The following KANSL1L variants were observed in gnomAD, a reference collection of about 807,000 sequenced individuals.
KANSL1L encodes KAT8 regulatory NSL complex subunit 1 like, also known as KAT8 regulatory NSL complex subunit 1-like protein.
KANSL1L carries 25 observed loss-of-function variants against 108.6 expected under a neutral mutation model. The ratio of observed to expected loss-of-function variants is 0.23; its 90% CI spans 0.17 to 0.32. KANSL1L has a LOEUF of 0.32. Ranked by LOEUF, KANSL1L falls within the 10% of genes least tolerant of loss-of-function variation. The pLI is 1.00. For synonymous variants in KANSL1L, 405 were observed against 395.1 expected, an observed-to-expected ratio of 1.03 and a Z score of -0.30; for missense variants, 1,137 against 1,125.7, an observed-to-expected ratio of 1.01 and a Z score of -0.14.
chr2:210,136,080 C>A (rs1053226793), intron 2 of KANSL1L, among the ~76,000 whole-genome samples: 1 of 152,074 alleles, frequency 6.6e-6, no homozygotes, highest in Non-Finnish European at 1.5e-5. Context: ...TGTCCAAGGA[C>A]TATCTGAGGT....
chr2:210,060,707 A>G (rs1468532772), intron 6 of KANSL1L, among the ~76,000 whole-genome samples: 1 of 152,228 alleles, frequency 6.6e-6, no homozygotes, highest in African/African-American at 2.4e-5. Context: ...TTTGTATGGA[A>G]ATAAGAAGAG....
At position 210,071,371 on chromosome 2, in the gene KANSL1L, G is replaced by A. The variant is rs559430324; in HGVS notation, c.1755+4181C>T. 2.0e-5 allele frequency among the ~76,000 whole-genome samples: 3 copies of A among 151,880 alleles called. No individual in the cohort carries two copies. The South Asian group carries it at 6.3e-4, about 32-fold the overall frequency. On this transcript the variant is annotated intron_variant, in intron 6 of 14. Transcript: ENST00000281772. ...CAACCTCCGCGTCTCAGGTTCAAGCGATTCTCATGCTTCAGCCTCCTAAGT... is the reference window on the plus strand; with the variant it reads ...CAACCTCCGCGTCTCAGGTTCAAGCAATTCTCATGCTTCAGCCTCCTAAGT...
chr2:210,090,672 C>T (rs1355796560), intron 5 of KANSL1L, among the ~76,000 whole-genome samples: 1 of 152,028 alleles, frequency 6.6e-6, no homozygotes, highest in Non-Finnish European at 1.5e-5. Context: ...GCTGGGACTA[C>T]AGGTGTGTAC....
chr2:210,131,388 G>T (rs2095118758), intron 2 of KANSL1L, among the ~76,000 whole-genome samples: 2 of 152,232 alleles, frequency 1.3e-5, no homozygotes, highest in South Asian at 4.1e-4. Flanking sequence ...ATAGAAGTGA[G>T]CTTAGGGCAA....
At chr2:210,164,403 T>C (rs540081769) in intron 1 of KANSL1L, among the ~76,000 whole-genome samples, 6 of 152,284 alleles carry the variant, frequency 3.9e-5, no homozygotes, top group South Asian at 4.1e-4. Context: ...CAGTTTCTAA[T>C]TATTTAGGTT....
At chr2:210,099,835 T>C (rs1016863473) in intron 4 of KANSL1L, among the ~76,000 whole-genome samples, 1 of 152,052 alleles carries the variant, frequency 6.6e-6, no homozygotes, top group Non-Finnish European at 1.5e-5. Context: ...ACCCGAGTCA[T>C]ATGGGGAATA....
Position 210,077,871 on chromosome 2 carries a change from C to T in KANSL1L, c.1551-2115G>A, listed in dbSNP as rs183758228. Among the ~76,000 whole-genome samples the T allele has an allele frequency of 7.9e-4, 120 of 152,274 alleles. 1 individual carries two copies. The highest frequency in any genetic ancestry group is 2.3e-3 in the African/African-American group (96 of 41,546). ...TGAAAGGACACAACTTCTGAACTGG[C>T]TAGAGGCTCATAGGCTGGCTTAAAG... is the stretch of plus-strand genomic sequence containing the variant. On this transcript the variant is annotated intron_variant, in intron 5 of 14. Transcript: ENST00000281772.
chr2:210,167,071 T>G (rs1001266273), intron 1 of KANSL1L, among the ~76,000 whole-genome samples: 4 of 151,962 alleles, frequency 2.6e-5, no homozygotes, highest in Non-Finnish European at 4.4e-5. Flanking sequence ...TCAAAGTTAC[T>G]GAATTGTAGC....
At chr2:210,062,283 T>C (rs1161129811) in intron 6 of KANSL1L, among the ~76,000 whole-genome samples, 1 of 152,254 alleles carries the variant, frequency 6.6e-6, no homozygotes, top group African/African-American at 2.4e-5. Flanking sequence ...ACCTTTCACC[T>C]TGTGCGGTGA....
rs1037788604 is a variant in KANSL1L, at chr2:210,046,998, A to C, written c.1756-2894T>G. On this transcript the variant is annotated intron_variant, in intron 6 of 14. Coordinates refer to ENST00000281772, the MANE Select transcript of KANSL1L (RefSeq NM_152519.4). ...GCATGCTGAGAGGTCTCACAGGCTC[A>C]GGTGGCTCCATATTTGAAACTTCTT... 3.3e-4 allele frequency among the ~76,000 whole-genome samples: 50 copies of C among 152,224 alleles called. 1 individual carries two copies. Among genetic ancestry groups the C allele is most frequent in the African/African-American group, 1.0e-3 (42 of 41,468 alleles).
chr2:210,029,398 GAATTC>G (rs1273564645), intron 10 of KANSL1L, among the ~76,000 whole-genome samples: 2 of 151,898 alleles, frequency 1.3e-5, no homozygotes, highest in Non-Finnish European at 2.9e-5. Flanking sequence ...CTGAGTTTCG[GAATTC>G]ATTTCTAAAC....
At chr2:210,032,414 C>T (rs1362454805) in intron 8 of KANSL1L, 1 of 152,196 alleles carries the variant, frequency 6.6e-6, no homozygotes, top group Non-Finnish European at 1.5e-5. Context: ...AAGACTAATA[C>T]TATATGGAAT....
chr2:210,035,446 C>G (rs1396793191), intron 8 of KANSL1L, among the ~76,000 whole-genome samples: 2 of 152,108 alleles, frequency 1.3e-5, no homozygotes, highest in African/African-American at 4.8e-5. Context: ...CACAACTTAC[C>G]CTACAGGAAT....
rs954618018 is a variant in KANSL1L, at chr2:210,064,142, G to A, written c.1755+11410C>T. 32 of 152,172 alleles carry A rather than the reference G, an allele frequency of 2.1e-4. 1 individual carries two copies. The highest frequency in any genetic ancestry group is 2.1e-3 in the Admixed American group (32 of 15,258). 9.4% of individuals were successfully genotyped at this position (152,172 alleles called of 1,614,324 possible). Reference sequence around the variant, plus strand: ...TCTCTCTTTGCCTACTGCCATCTACGTTAAGACATGACTTGCTCCTCCTTG... The same window carrying A: ...TCTCTCTTTGCCTACTGCCATCTACATTAAGACATGACTTGCTCCTCCTTG... On this transcript the variant is annotated intron_variant, in intron 6 of 14. Coordinates refer to ENST00000281772, the MANE Select transcript of KANSL1L (RefSeq NM_152519.4).
chr2:210,169,421 G>A (rs560862431), intron 1 of KANSL1L, among the ~76,000 whole-genome samples: 5 of 152,192 alleles, frequency 3.3e-5, no homozygotes, highest in African/African-American at 1.2e-4. Context: ...ATACCATGTG[G>A]TCTCAGTTTT....
chr2:210,083,544 A>G (rs537928643), intron 5 of KANSL1L, among the ~76,000 whole-genome samples: 59 of 152,292 alleles, frequency 3.9e-4, no homozygotes, highest in African/African-American at 1.4e-3. Context: ...GGGAGATACG[A>G]ATGCATCACA....
intron 8 of KANSL1L, 88 bp downstream of exon 8, chr2:210,040,332 T>TA: frequency 1.4e-6 from 1 of 699,914 alleles, no homozygotes; most frequent in African/African-American, 1.8e-5. Context: ...ATTCTTTTCT[T>TA]AGATTTTATT....
chr2:210,133,820 G>T (rs2095149261), intron 2 of KANSL1L, among the ~76,000 whole-genome samples: 2 of 152,112 alleles, frequency 1.3e-5, no homozygotes, highest in African/African-American at 4.8e-5. Context: ...ATTTGGAAAT[G>T]TGTGATTTAA....
At position 210,067,716 on chromosome 2, in the gene KANSL1L, CAAAAAAAAAAA is replaced by C. The variant is rs569072484; in HGVS notation, c.1755+7825_1755+7835del. 4.5e-4 allele frequency among the ~76,000 whole-genome samples: 42 copies of C among 92,940 alleles called. 1 individual carries two copies. Among genetic ancestry groups the C allele is most frequent in the African/African-American group, 1.6e-3 (35 of 21,726 alleles). 61.0% of individuals were successfully genotyped at this position (92,940 alleles called of 152,430 possible). On this transcript the variant is annotated intron_variant, in intron 6 of 14. Transcript: ENST00000281772. ...GAGTGACAGAGTGAGACCCTGTCTC[CAAAAAAAAAAA>C]AAAAAAAAAAAAAAAAATTGATGTA...
Sources: gnomAD v4.1 joint callset for allele counts (sites outside exome capture counted in the v4.1 genomes callset) on GRCh38, gnomAD v4.1.1 for gene constraint, MANE v1.5 for transcripts, NCBI Gene and HGNC (gene_info 2026-07-23, HGNC 2026-07-21) for gene names.